NR5A2: variants seen among roughly 807,000 people sequenced by gnomAD.
NR5A2 encodes the protein CYP7A promoter-binding factor.
A neutral mutation model predicts 62.7 loss-of-function variants in NR5A2; 26 were observed. The observed-to-expected ratio is 0.41, with a 90% CI of 0.30 to 0.58. The LOEUF is 0.58. NR5A2 is among the 20% of genes least tolerant of loss of function. The pLI is 0.22. For missense variants in NR5A2, 541 were observed against 669.1 expected (o/e 0.81, Z 2.11); for synonymous variants, 246 against 241.7 (o/e 1.02, Z -0.16).
rs149773246 is a variant in NR5A2, at chr1:200,048,052, C to T, written c.464-120C>T. On this transcript the variant is annotated intron_variant, in intron 4 of 7. Coordinates refer to ENST00000367362, the MANE Select transcript of NR5A2 (RefSeq NM_205860.3). This position sits in a 1 kb window ranked among gnomAD's most constrained non-coding sequence, Gnocchi z 4.8. Reference sequence around the variant, plus strand: ...GGGAAATCTTTGTGGGCTATTGTAACGAAAACAACCACACACATACCACTT... The same window carrying T: ...GGGAAATCTTTGTGGGCTATTGTAATGAAAACAACCACACACATACCACTT... The T allele has an allele frequency of 4.6e-5, 43 of 936,646 alleles. No homozygotes were observed. Among genetic ancestry groups the T allele is most frequent in the African/African-American group, 3.3e-4 (20 of 60,796 alleles). 58.0% of individuals were successfully genotyped at this position (936,646 alleles called of 1,614,324 possible). A position where few individuals can be genotyped will look rare whatever the true frequency, so the allele number is the denominator to read the frequency against.
intron 5 of NR5A2, 119 bp from the exon 6 acceptor site, chr1:200,111,083 G>A (rs753644362): frequency 2.0e-4 from 232 of 1,147,276 alleles, no homozygotes; most frequent in Non-Finnish European, 2.0e-4. Context: ...ACCATGGGTG[G>A]AGACTTTCTT....
intron 6 of NR5A2, among the ~76,000 whole-genome samples, chr1:200,114,233 T>TATAC (rs1553274029): frequency 0.076 from 8,042 of 105,974 alleles, 285 homozygotes; most frequent in East Asian, 0.14. Flanking sequence ...TATATATATA[T>TATAC]ACACACACAC....
chr1:200,034,095 G>C (rs1661654075), intron 1 of NR5A2, among the ~76,000 whole-genome samples: 1 of 152,168 alleles, frequency 6.6e-6, no homozygotes, highest in African/African-American at 2.4e-5. Context: ...TGGCAGCCTA[G>C]AATAATCTCG....
chr1:200,106,064 C>CTGT (rs72295630), intron 5 of NR5A2, among the ~76,000 whole-genome samples: 1 of 147,568 alleles, frequency 6.8e-6, no homozygotes. Context: ...ATTCACTCTT[C>CTGT]TTTTTTTTTT....
rs1654313489 is a variant in NR5A2 at position 200,174,140 on chromosome 1, A to G, written c.1556A>G (p.Tyr519Cys). The change falls in exon 8 of 8, where the codon TAC (tyrosine) becomes TGC (cysteine). Residue 519 changes from tyrosine to cysteine, a missense_variant. Physicochemically the swap from Tyr to Cys is radical, Grantham distance 194. This residue lies in a region of NR5A2 where 379 missense variants were observed against 442.0 expected (regional missense o/e 0.86). Coordinates refer to ENST00000367362, the MANE Select transcript of NR5A2 (RefSeq NM_205860.3). ...ISMQAEEYLY[Y>C]KHLNGDVPYN... ...ATGCAGGCTGAAGAATACCTCTACT[A>G]CAAGCACCTGAACGGGGATGTGCCC... 4 of 1,613,730 alleles carry G rather than the reference A, an allele frequency of 2.5e-6. No homozygotes were observed. In the South Asian group the frequency reaches 3.3e-5, roughly 13 times the overall value.
intron 5 of NR5A2, among the ~76,000 whole-genome samples, chr1:200,050,044 C>G (rs950451703): frequency 6.6e-6 from 1 of 152,206 alleles, no homozygotes; most frequent in African/African-American, 2.4e-5. Context: ...TTTATTTCCA[C>G]GTCCTTTATT....
chr1:200,107,344 G>A (rs1237743412), intron 5 of NR5A2, among the ~76,000 whole-genome samples: 3 of 150,738 alleles, frequency 2.0e-5, no homozygotes, highest in Non-Finnish European at 4.4e-5. Flanking sequence ...ACACTTGGGA[G>A]CTGTAGCTTC....
Position 200,169,621 on chromosome 1 carries a change from C to T in NR5A2, c.1379-4342C>T, listed in dbSNP as rs775373400. Among the ~76,000 whole-genome samples, 36 of 152,120 alleles carry T rather than the reference C, an allele frequency of 2.4e-4. 1 individual carries two copies. The highest frequency in any genetic ancestry group is 9.7e-5 in the African/African-American group (4 of 41,434). On this transcript the variant is annotated intron_variant, in intron 7 of 7. Coordinates refer to ENST00000367362, the MANE Select transcript of NR5A2 (RefSeq NM_205860.3). ...TCTGAGCACCCCACTGTGAGCTTAT[C>T]GTAATGCTGCTTCATATAAAAAGTT...
chr1:200,060,704 C>T (rs926274834), intron 5 of NR5A2, among the ~76,000 whole-genome samples: 1 of 152,148 alleles, frequency 6.6e-6, no homozygotes, highest in Admixed American at 6.5e-5. Flanking sequence ...TAACTTCCTC[C>T]TTGGAAATAA....
At chr1:200,094,523 A>ATTT (rs1558134088) in intron 5 of NR5A2, among the ~76,000 whole-genome samples, 2 of 70,230 alleles carry the variant, frequency 2.8e-5, no homozygotes, top group African/African-American at 1.4e-4. Flanking sequence ...ATTAAATGCC[A>ATTT]CTTTTTTTTT....
intron 7 of NR5A2, among the ~76,000 whole-genome samples, chr1:200,144,818 C>G (rs952812292): frequency 6.6e-6 from 1 of 152,092 alleles, no homozygotes; most frequent in Non-Finnish European, 1.5e-5. Flanking sequence ...GGAAATTGAG[C>G]GTGAGTAAGT....
Position 200,147,479 on chromosome 1 carries a change from G to A in NR5A2, c.1379-26484G>A. The A allele has an allele frequency of 1.6e-6, 1 of 614,178 alleles. No individual in the cohort carries two copies. The highest frequency in any genetic ancestry group is 1.4e-5 in the South Asian group (1 of 72,062). 38.0% of individuals were successfully genotyped at this position (614,178 alleles called of 1,614,324 possible). ...ACACGGAGAGCTCTTTGAGGCAAGG[G>A]ACAATTTGATCTGTTTCTTCATCCT... is the stretch of plus-strand genomic sequence containing the variant. On this transcript the variant is annotated intron_variant, in intron 7 of 7. Transcript: ENST00000367362. The surrounding 1 kb of genome is among the most constrained non-coding windows in gnomAD (Gnocchi z 4.9).
intron 7 of NR5A2, among the ~76,000 whole-genome samples, chr1:200,142,567 C>T (rs1471654200): frequency 2.0e-5 from 3 of 152,058 alleles, no homozygotes; most frequent in Non-Finnish European, 4.4e-5. Flanking sequence ...CTCACTCTGT[C>T]ACCCAGCCTA....
chr1:200,056,870 C>T (rs1011495244), intron 5 of NR5A2, among the ~76,000 whole-genome samples: 14 of 152,100 alleles, frequency 9.2e-5, no homozygotes, highest in African/African-American at 2.7e-4. Flanking sequence ...GCTTGGCCAT[C>T]GTCAGGTGTC....
rs760419272 is a variant in NR5A2, at chr1:200,038,735, C to T, written c.65-923C>T. On this transcript the variant is annotated intron_variant, in intron 1 of 7. Coordinates refer to ENST00000367362, the MANE Select transcript of NR5A2 (RefSeq NM_205860.3). The stretch of plus-strand genomic sequence containing the variant: ...ATTGCCGCTCTGGCTGCTTCTCCTT[C>T]GCCGCCACGCTCAGACAGAGGTCGC... 2.2e-6 allele frequency: 3 copies of T among 1,366,138 alleles called. No homozygotes were observed. The South Asian group carries it at 3.4e-5, about 16-fold the overall frequency. 84.6% of individuals were successfully genotyped at this position (1,366,138 alleles called of 1,614,324 possible). A position where few individuals can be genotyped will look rare whatever the true frequency, so the allele number is the denominator to read the frequency against.
chr1:200,037,179 A>C (rs1286629004), intron 1 of NR5A2, among the ~76,000 whole-genome samples: 1 of 152,216 alleles, frequency 6.6e-6, no homozygotes, highest in Non-Finnish European at 1.5e-5. Flanking sequence ...GAGCATGGTC[A>C]CAAAGCTTGT....
In NR5A2 at chr1:200,081,441, T is replaced by C. The variant is rs115434396; in HGVS notation, c.1111-29761T>C. Among the ~76,000 whole-genome samples the C allele has an allele frequency of 2.3e-3, 344 of 152,306 alleles. 3 individuals carry two copies. Among genetic ancestry groups the C allele is most frequent in the African/African-American group, 7.9e-3 (327 of 41,570 alleles). On this transcript the variant is annotated intron_variant, in intron 5 of 7. Transcript: ENST00000367362. The stretch of plus-strand genomic sequence containing the variant: ...AGAGATCAAATCAAAGCATACCACA[T>C]AACTGGTTAAAATGAAAGCTCATTC...
intron 7 of NR5A2, among the ~76,000 whole-genome samples, chr1:200,158,005 C>G (rs928473361): frequency 5.3e-5 from 8 of 152,142 alleles, no homozygotes; most frequent in Admixed American, 4.6e-4. Flanking sequence ...TAACAGTTCT[C>G]ATATGGGCAT....
At chr1:200,135,987 AC>A (rs943886361) in intron 7 of NR5A2, among the ~76,000 whole-genome samples, 9 of 152,228 alleles carry the variant, frequency 5.9e-5, no homozygotes, top group African/African-American at 2.2e-4. Flanking sequence ...TGATCTACTA[AC>A]CAAAGGCATC....
Sources: gnomAD v4.1 joint callset for allele counts (sites outside exome capture counted in the v4.1 genomes callset) on GRCh38, gnomAD v4.1.1 for gene constraint, gnomAD v4.1.1 regional missense constraint, Gnocchi (gnomAD v3.1) non-coding constraint, MANE v1.5 for transcripts, NCBI Gene and HGNC (gene_info 2026-07-23, HGNC 2026-07-21) for gene names.